The following HDAC4 variants were observed in gnomAD, a reference collection of about 807,000 sequenced individuals.
The protein encoded by HDAC4 is histone deacetylase 4.
HDAC4 carries 16 observed loss-of-function variants against 135.1 expected under a neutral mutation model. The observed-to-expected ratio is 0.12, with a 90% CI of 0.08 to 0.18. The LOEUF is 0.18. HDAC4 is among the 10% of genes least tolerant of loss of function. The probability of loss-of-function intolerance (pLI) is 1.00; values close to 1 mark genes in which losing one functional copy is unlikely to be tolerated. For missense variants in HDAC4, 1,143 were observed against 1,511.8 expected (o/e 0.76, Z 4.05); for synonymous variants, 685 against 653.4 (o/e 1.05, Z -0.74).
intron 24 of HDAC4, among the ~76,000 whole-genome samples, chr2:239,063,208 G>T (rs1020528886): frequency 1.8e-4 from 25 of 140,286 alleles, no homozygotes; most frequent in African/African-American, 3.7e-4. Context: ...GTCTTTTTTT[G>T]TTTTTTTTTT....
intron 3 of HDAC4, among the ~76,000 whole-genome samples, chr2:239,196,373 A>G (rs764719294): frequency 6.6e-6 from 1 of 152,144 alleles, no homozygotes; most frequent in Non-Finnish European, 1.5e-5. Context: ...TTCAAACCAC[A>G]TGCACCCCCT....
At chr2:239,282,237 C>T (rs1243120121) in intron 2 of HDAC4, among the ~76,000 whole-genome samples, 1 of 129,884 alleles carries the variant, frequency 7.7e-6, no homozygotes, top group African/African-American at 3.1e-5. Context: ...GTACACACCA[C>T]TCTACAATGT....
At chr2:239,156,296 G>A (rs770721377) in intron 7 of HDAC4, among the ~76,000 whole-genome samples, 29 of 152,188 alleles carry the variant, frequency 1.9e-4, no homozygotes, top group Admixed American at 7.9e-4. Flanking sequence ...CTCTCAGACG[G>A]CACATGGCCC....
At chr2:239,053,354 C>A in intron 26 of HDAC4, 106 bp downstream of exon 26, 1 of 1,473,970 alleles carries the variant, frequency 6.8e-7, no homozygotes, top group Non-Finnish European at 9.2e-7. Flanking sequence ...TGTCTCTAGT[C>A]TGTTGGGCAG....
intron 2 of HDAC4, among the ~76,000 whole-genome samples, chr2:239,301,483 TTTTA>T (rs1397298026): frequency 6.6e-6 from 1 of 151,458 alleles, no homozygotes; most frequent in East Asian, 1.9e-4. Context: ...TTTTTTTTTT[TTTTA>T]TTTTTCTCTC....
chr2:239,396,926 G>A (rs1696598559), intron 1 of HDAC4, among the ~76,000 whole-genome samples: 1 of 152,006 alleles, frequency 6.6e-6, no homozygotes, highest in Non-Finnish European at 1.5e-5. Context: ...ACCCCCACCT[G>A]CCTCCAGGCG....
At chr2:239,144,478 G>T in intron 8 of HDAC4, 105 bp downstream of exon 8, 1 of 1,441,744 alleles carries the variant, frequency 6.9e-7, no homozygotes, top group Non-Finnish European at 9.7e-7. Context: ...TTGACAGCGT[G>T]AGGCAGACAC....
chr2:239,335,368 A>G (rs1575709780), intron 2 of HDAC4, among the ~76,000 whole-genome samples: 1 of 152,146 alleles, frequency 6.6e-6, no homozygotes, highest in South Asian at 2.1e-4. Context: ...CACACATAAA[A>G]AAAAAAAAAT....
chr2:239,174,880 G>A (rs1237063113), intron 5 of HDAC4, among the ~76,000 whole-genome samples: 8 of 152,126 alleles, frequency 5.3e-5, no homozygotes, highest in Non-Finnish European at 8.8e-5. Context: ...GAAGCAAAAC[G>A]CAAAAATCCT....
intron 2 of HDAC4, among the ~76,000 whole-genome samples, chr2:239,248,184 C>CG (rs1559281708): frequency 6.9e-6 from 1 of 145,176 alleles, no homozygotes; most frequent in Non-Finnish European, 1.5e-5. Flanking sequence ...TCCTCTTGCA[C>CG]TTTTTTTTTT....
chr2:239,192,292 C>T (rs1358887168), intron 3 of HDAC4, among the ~76,000 whole-genome samples: 5 of 150,358 alleles, frequency 3.3e-5, no homozygotes, highest in Admixed American at 2.6e-4. Flanking sequence ...AGCAGGGGTC[C>T]ACCCACTCCC....
intron 15 of HDAC4, among the ~76,000 whole-genome samples, chr2:239,104,305 T>C (rs2037929741): frequency 6.6e-6 from 1 of 152,204 alleles, no homozygotes; most frequent in African/African-American, 2.4e-5. Flanking sequence ...CTTGGCTCAC[T>C]GTAACCTCCA....
At chr2:239,388,945 C>T (rs549837595) in intron 1 of HDAC4, among the ~76,000 whole-genome samples, 4 of 152,214 alleles carry the variant, frequency 2.6e-5, no homozygotes, top group Non-Finnish European at 4.4e-5. Flanking sequence ...GTGTTAGTCT[C>T]CACTGCCAGA....
In HDAC4 at chr2:239,281,919, C is replaced by G. The variant is rs561253913; in HGVS notation, c.23-45255G>C. ...ACTCTACAATGAACACACCACACTA[C>G]ACACAATGTACACACCACTCTGCAA... On this transcript the variant is annotated intron_variant, in intron 2 of 26. Transcript: ENST00000543185. 8.8e-5 allele frequency among the ~76,000 whole-genome samples: 13 copies of G among 148,140 alleles called. No homozygotes were observed. The South Asian group carries it at 2.8e-3, about 32-fold the overall frequency.
rs1219279154 is a variant in HDAC4 at position 239,146,457 on chromosome 2, CAT to C, written c.734-1745_734-1744del. Among the ~76,000 whole-genome samples, 1 of 152,186 alleles carries C rather than the reference CAT, an allele frequency of 6.6e-6. No individual in the cohort carries two copies. The highest frequency in any genetic ancestry group is 1.5e-5 in the Non-Finnish European group (1 of 68,026). ...GTCTTCCTCAGTGGCTGCCCTGCCA[CAT>C]AGAGTGGGACACGTGGCATCGGGAG... On this transcript the variant is annotated intron_variant, in intron 7 of 26. Transcript: ENST00000543185. This position sits in a 1 kb window ranked among gnomAD's most constrained non-coding sequence, Gnocchi z 4.5.
chr2:239,059,621 T>C (rs972242752), intron 24 of HDAC4, among the ~76,000 whole-genome samples: 2 of 152,252 alleles, frequency 1.3e-5, no homozygotes, highest in African/African-American at 4.8e-5. Context: ...GAAACTTCAA[T>C]AGACCTATAA....
intron 2 of HDAC4, among the ~76,000 whole-genome samples, chr2:239,343,670 G>C (rs189726625): frequency 3.9e-5 from 6 of 152,326 alleles, no homozygotes; most frequent in African/African-American, 1.4e-4. Context: ...CTGGACCAGA[G>C]TGCCTGCTGC....
chr2:239,296,675 C>T (rs1209459192), intron 2 of HDAC4, among the ~76,000 whole-genome samples: 1 of 152,178 alleles, frequency 6.6e-6, no homozygotes, highest in East Asian at 1.9e-4. Flanking sequence ...CGAGGCAGCA[C>T]TGCTTAAATG....
intron 1 of HDAC4, among the ~76,000 whole-genome samples, chr2:239,370,055 G>A (rs149689525): frequency 5.3e-5 from 8 of 152,326 alleles, no homozygotes; most frequent in African/African-American, 1.7e-4. Flanking sequence ...AGAAAAGCAC[G>A]CCCAGATGCA....
Sources: gnomAD v4.1 joint callset for allele counts (sites outside exome capture counted in the v4.1 genomes callset) on GRCh38, gnomAD v4.1.1 for gene constraint, Gnocchi (gnomAD v3.1) non-coding constraint, MANE v1.5 for transcripts, NCBI Gene and HGNC (gene_info 2026-07-23, HGNC 2026-07-21) for gene names.